Variants in TMEM230 observed in about 807,000 individuals in gnomAD.
TMEM230 encodes the protein UPF0414 transmembrane protein C20orf30.
Under a neutral mutation model 15.8 loss-of-function variants are expected in TMEM230, and 10 were observed. That is an observed-to-expected ratio of 0.63 (90% CI 0.39 to 1.07). The LOEUF (loss-of-function observed/expected upper bound fraction) is 1.07, where lower values mean the gene tolerates loss of function less well. Among genes scored for constraint, TMEM230 ranks in the 50% least tolerant of loss-of-function variants. The pLI, the probability that TMEM230 is intolerant of heterozygous loss-of-function variation, is 0.01. For missense variants in TMEM230, 165 were observed against 193.3 expected (o/e 0.85, Z 0.87); for synonymous variants, 67 against 76.9 (o/e 0.87, Z 0.68).
intron 3 of TMEM230, among the ~76,000 whole-genome samples, chr20:5,106,661 C>T (rs1414574880): frequency 2.0e-5 from 3 of 152,164 alleles, no homozygotes; most frequent in African/African-American, 7.2e-5. Context: ...CCCGCCTCGG[C>T]CTCCCAAAGT....
downstream of TMEM230, among the ~76,000 whole-genome samples, chr20:5,098,645 G>A (rs1035144252): frequency 6.6e-6 from 1 of 152,162 alleles, no homozygotes; most frequent in African/African-American, 2.4e-5. Context: ...TTCCTCAGGG[G>A]ACTCTGGAGG....
At chr20:5,110,743 AAAG>A (rs1297270974) in intron 2 of TMEM230, among the ~76,000 whole-genome samples, 1 of 152,164 alleles carries the variant, frequency 6.6e-6, no homozygotes, top group Non-Finnish European at 1.5e-5. Context: ...AATTTTAAAG[AAAG>A]AAAGAAAAAA....
chr20:5,086,034 T>C (rs994682480), intron 3 of TMEM230, among the ~76,000 whole-genome samples: 3 of 152,158 alleles, frequency 2.0e-5, no homozygotes, highest in African/African-American at 4.8e-5. Context: ...TCCACTTTTA[T>C]AATTTAAGCT....
intron 4 of TMEM230, among the ~76,000 whole-genome samples, chr20:5,105,136 T>C (rs964448884): frequency 3.9e-5 from 6 of 152,106 alleles, no homozygotes; most frequent in Admixed American, 1.3e-4. Flanking sequence ...AATACAAAAA[T>C]AAGCCAAGTG....
chr20:5,104,014 A>G (rs1176157369), intron 4 of TMEM230, among the ~76,000 whole-genome samples: 3 of 152,206 alleles, frequency 2.0e-5, no homozygotes, highest in Non-Finnish European at 2.9e-5. Flanking sequence ...AAATATATGC[A>G]AAGTATCCAT....
At chr20:5,071,639 C>CA (rs66694772) in intron 3 of TMEM230, among the ~76,000 whole-genome samples, 138,847 of 146,242 alleles carry the variant, frequency 0.95, 66,291 homozygotes, top group East Asian at 1. Flanking sequence ...AAAAAAAAAA[C>CA]AAAAAGGGTA....
rs1416877541 is a variant in TMEM230, at chr20:5,109,368, C to G, written c.252G>C (p.Arg84Ser). Residue 84 changes from arginine to serine, a missense_variant, in exon 3 of 5, where the codon AGG becomes AGC. Transcript: ENST00000342308. The stretch of plus-strand genomic sequence containing the variant: ...TGTAGCCATCGTCTGTGCTGGAGAG[C>G]CTTGAATATTTCACTTTACTACTGG... 6 of 1,613,404 alleles carry G rather than the reference C, an allele frequency of 3.7e-6. No individual in the cohort carries two copies. The highest frequency in any genetic ancestry group is 5.1e-6 in the Non-Finnish European group (6 of 1,179,826).
rs925080647 is a variant in TMEM230 at position 5,110,589 on chromosome 20, T to C, written c.174+911A>G. On this transcript the variant is annotated intron_variant, in intron 2 of 4. Coordinates refer to ENST00000342308, the MANE Select transcript of TMEM230 (RefSeq NM_001009923.2). Reference sequence around the variant, plus strand: ...CCACTGTGCCGGGCCCCTTGTAAATTTGGATACAGGCCTGGCTATACTAGT... The same window carrying C: ...CCACTGTGCCGGGCCCCTTGTAAATCTGGATACAGGCCTGGCTATACTAGT... 5.3e-5 allele frequency among the ~76,000 whole-genome samples: 8 copies of C among 152,168 alleles called. No individual in the cohort carries two copies. In the South Asian group the frequency reaches 6.2e-4, roughly 12 times the overall value.
intron 4 of TMEM230, among the ~76,000 whole-genome samples, chr20:5,103,510 A>G (rs2089951388): frequency 2.6e-5 from 4 of 151,956 alleles, no homozygotes; most frequent in Admixed American, 6.6e-5. Flanking sequence ...AAATGAAAAA[A>G]AAATTAACCA....
the TMEM230 span, chr20:5,060,906 A>G: frequency 6.6e-6 from 1 of 152,178 alleles, no homozygotes; most frequent in African/African-American, 2.4e-5. Context: ...TGATAATACC[A>G]GATAGTTTTC....
exon 4 of TMEM230, chr20:5,068,997 GA>G: frequency 1.8e-6 from 1 of 570,420 alleles, no homozygotes; most frequent in Non-Finnish European, 3.1e-6. Context: ...ATAGGGGGTA[GA>G]GGGCAGCTGG....
At chr20:5,074,965 A>G in intron 3 of TMEM230, among the ~76,000 whole-genome samples, 1 of 151,908 alleles carries the variant, frequency 6.6e-6, no homozygotes, top group East Asian at 1.9e-4. Context: ...ACCTAGCCAT[A>G]AATTTAATGT....
downstream of TMEM230, among the ~76,000 whole-genome samples, chr20:5,064,749 T>C (rs2088636009): frequency 1.3e-5 from 2 of 151,936 alleles, no homozygotes; most frequent in Non-Finnish European, 2.9e-5. Context: ...CAAATGCTAA[T>C]TCAATGAAGG....
intron 3 of TMEM230, 55 bp downstream of exon 2, chr20:5,109,277 G>T: frequency 7.0e-7 from 1 of 1,432,598 alleles, no homozygotes. Flanking sequence ...AGGTCTTCCT[G>T]CTAACTTAAC....
downstream of TMEM230, chr20:5,068,382 T>C (rs1230862254): frequency 6.6e-6 from 1 of 152,184 alleles, no homozygotes; most frequent in East Asian, 1.9e-4. Flanking sequence ...AGGTAATTTA[T>C]AAAGAAAAGA....
downstream of TMEM230, among the ~76,000 whole-genome samples, chr20:5,097,629 A>C (rs2089701206): frequency 1.3e-5 from 2 of 152,130 alleles, no homozygotes; most frequent in East Asian, 1.9e-4. Context: ...TTTGCCTTAT[A>C]ATTTTTTTTT....
rs147033712 is a variant in TMEM230, at chr20:5,070,287, T to G, written c.223-938A>C. The stretch of plus-strand genomic sequence containing the variant: ...TACCGGCCACATAAATGAGCCATCT[T>G]GTATTTGCATCCAGTTGAGTCTTGC... On this transcript the variant is annotated intron_variant, in intron 3 of 3. Transcript: ENST00000612323. Among the ~76,000 whole-genome samples, 389 of 152,308 alleles carry G rather than the reference T, an allele frequency of 2.6e-3. 5 individuals carry two copies. The highest frequency in any genetic ancestry group is 0.016 in the South Asian group (76 of 4,828).
intron 3 of TMEM230, among the ~76,000 whole-genome samples, chr20:5,085,201 A>G (rs1489628550): frequency 1.3e-5 from 2 of 152,138 alleles, no homozygotes; most frequent in Non-Finnish European, 1.5e-5. Flanking sequence ...TTCTTTTTGT[A>G]CAAGTTTCTC....
intron 3 of TMEM230, among the ~76,000 whole-genome samples, chr20:5,085,697 C>T (rs1185239792): frequency 6.6e-6 from 1 of 151,764 alleles, no homozygotes; most frequent in Non-Finnish European, 1.5e-5. Flanking sequence ...TCTTGTAGTC[C>T]CAGACAAAAA....
Sources: allele counts gnomAD v4.1 joint callset (sites outside exome capture counted in the v4.1 genomes callset), GRCh38; gene constraint gnomAD v4.1.1; transcripts MANE v1.5; gene names NCBI Gene and HGNC (gene_info 2026-07-23, HGNC 2026-07-21).